HS6ST3: variants seen among roughly 807,000 people sequenced by gnomAD.
The protein encoded by HS6ST3 is heparan sulfate 6-O-sulfotransferase 3, also known as heparan-sulfate 6-O-sulfotransferase 3.
A neutral mutation model predicts 36.7 loss-of-function variants in HS6ST3; 12 were observed. The ratio of observed to expected loss-of-function variants is 0.33; its 90% CI spans 0.21 to 0.53. The LOEUF (loss-of-function observed/expected upper bound fraction) is 0.53, where lower values mean the gene tolerates loss of function less well. Ranked by LOEUF, HS6ST3 falls within the 20% of genes least tolerant of loss-of-function variation. The pLI, the probability that HS6ST3 is intolerant of heterozygous loss-of-function variation, is 0.95. For missense variants in HS6ST3, 584 were observed against 640.9 expected (o/e 0.91, Z 0.96); for synonymous variants, 240 against 257.5 (o/e 0.93, Z 0.65).
At chr13:96,322,381 CA>C (rs2055008418) in intron 1 of HS6ST3, among the ~76,000 whole-genome samples, 1 of 39,394 alleles carries the variant, frequency 2.5e-5, no homozygotes, top group Non-Finnish European at 4.4e-5. Context: ...CCCATCTCTC[CA>C]GAAAAAAAAA....
intron 1 of HS6ST3, among the ~76,000 whole-genome samples, chr13:96,522,014 T>A (rs898614522): frequency 3.9e-5 from 6 of 152,188 alleles, no homozygotes; most frequent in Non-Finnish European, 2.9e-5. Flanking sequence ...CTCTACACAC[T>A]GCTTTAAATG....
intron 1 of HS6ST3, among the ~76,000 whole-genome samples, chr13:96,442,048 G>A (rs1466098529): frequency 6.7e-6 from 1 of 150,106 alleles, no homozygotes; most frequent in Admixed American, 6.6e-5. Flanking sequence ...TTCAGACAGA[G>A]TCTTACTCTG....
chr13:96,649,129 A>G (rs995991857), intron 1 of HS6ST3, among the ~76,000 whole-genome samples: 2 of 151,984 alleles, frequency 1.3e-5, no homozygotes, highest in East Asian at 1.9e-4. Context: ...AATTCCATCT[A>G]TAATAGTCTG....
chr13:96,223,675 G>GT (rs1366373945), intron 1 of HS6ST3, among the ~76,000 whole-genome samples: 2 of 151,882 alleles, frequency 1.3e-5, no homozygotes, highest in African/African-American at 4.8e-5. Flanking sequence ...AGTTTTTGTC[G>GT]TTTTTTATTT....
At chr13:96,313,911 C>A (rs2054954649) in intron 1 of HS6ST3, among the ~76,000 whole-genome samples, 1 of 152,132 alleles carries the variant, frequency 6.6e-6, no homozygotes, top group Admixed American at 6.5e-5. Context: ...GCCTAAAATC[C>A]TCCCCAAGGC....
intron 1 of HS6ST3, among the ~76,000 whole-genome samples, chr13:96,550,448 G>T (rs1431192873): frequency 6.6e-6 from 1 of 152,068 alleles, no homozygotes; most frequent in Admixed American, 6.6e-5. Context: ...CCAAATGAAG[G>T]TTTTTCCTTA....
At chr13:96,123,257 G>A (rs2053934848) in intron 1 of HS6ST3, among the ~76,000 whole-genome samples, 1 of 152,252 alleles carries the variant, frequency 6.6e-6, no homozygotes, top group East Asian at 1.9e-4. Flanking sequence ...CAATCCTTGA[G>A]TTTTATCCAT....
At chr13:96,743,033 G>A (rs928205712) in intron 1 of HS6ST3, among the ~76,000 whole-genome samples, 2 of 151,998 alleles carry the variant, frequency 1.3e-5, no homozygotes, top group African/African-American at 4.8e-5. Flanking sequence ...GTCCTCCTAG[G>A]ATAAAAGAAA....
chr13:96,120,879 G>A (rs1165878562), intron 1 of HS6ST3, among the ~76,000 whole-genome samples: 3 of 152,168 alleles, frequency 2.0e-5, no homozygotes, highest in Non-Finnish European at 4.4e-5. Flanking sequence ...TATTACAAAA[G>A]CAGTGGAACG....
At chr13:96,190,276 T>G (rs2054282961) in intron 1 of HS6ST3, among the ~76,000 whole-genome samples, 1 of 152,224 alleles carries the variant, frequency 6.6e-6, no homozygotes. Flanking sequence ...ATTGGGTCTC[T>G]GCCTGGGCAT....
chr13:96,781,575 T>C (rs1877528618), intron 1 of HS6ST3, among the ~76,000 whole-genome samples: 1 of 152,208 alleles, frequency 6.6e-6, no homozygotes, highest in South Asian at 2.1e-4. Flanking sequence ...TTTACTCTTT[T>C]GAAAAGGCAT....
chr13:96,240,223 T>A (rs1188040955), intron 1 of HS6ST3, among the ~76,000 whole-genome samples: 1 of 152,162 alleles, frequency 6.6e-6, no homozygotes, highest in Non-Finnish European at 1.5e-5. Flanking sequence ...AGTATAAATT[T>A]GATAGTCACA....
At chr13:96,311,952 A>ATT (rs34625432) in intron 1 of HS6ST3, among the ~76,000 whole-genome samples, 4 of 150,440 alleles carry the variant, frequency 2.7e-5, no homozygotes, top group South Asian at 2.1e-4. Context: ...TATTAAGTTC[A>ATT]TTTTTTTTTT....
chr13:96,200,413 T>G (rs1247390643), intron 1 of HS6ST3, among the ~76,000 whole-genome samples: 2 of 152,212 alleles, frequency 1.3e-5, no homozygotes, highest in Non-Finnish European at 2.9e-5. Flanking sequence ...CAGTTCCCTC[T>G]GCCTGGAAGG....
intron 1 of HS6ST3, among the ~76,000 whole-genome samples, chr13:96,196,364 G>A (rs184568262): frequency 9.9e-5 from 15 of 151,972 alleles, no homozygotes; most frequent in East Asian, 3.9e-4. Flanking sequence ...GGATTTTGAC[G>A]GGCATCTCCT....
At chr13:96,389,334 C>G (rs2055384459) in intron 1 of HS6ST3, among the ~76,000 whole-genome samples, 1 of 151,982 alleles carries the variant, frequency 6.6e-6, no homozygotes, top group Non-Finnish European at 1.5e-5. Context: ...ATTTTACTAT[C>G]TATATGTACC....
intron 1 of HS6ST3, among the ~76,000 whole-genome samples, chr13:96,682,591 G>A (rs1294612048): frequency 6.6e-6 from 1 of 152,114 alleles, no homozygotes; most frequent in South Asian, 2.1e-4. Context: ...TCCTGGAGCT[G>A]TAGTACCTGG....
chr13:96,489,780 C>T (rs2055935633), intron 1 of HS6ST3, among the ~76,000 whole-genome samples: 1 of 152,082 alleles, frequency 6.6e-6, no homozygotes. Flanking sequence ...CACTCTTACA[C>T]TTCTTATACA....
intron 1 of HS6ST3, among the ~76,000 whole-genome samples, chr13:96,667,098 C>G (rs2056666555): frequency 6.6e-6 from 1 of 152,092 alleles, no homozygotes; most frequent in Non-Finnish European, 1.5e-5. Flanking sequence ...AATAGTATGA[C>G]TACAGATTAT....
Sources: gnomAD v4.1 joint callset for allele counts (sites outside exome capture counted in the v4.1 genomes callset) on GRCh38, gnomAD v4.1.1 for gene constraint, MANE v1.5 for transcripts, NCBI Gene and HGNC (gene_info 2026-07-23, HGNC 2026-07-21) for gene names.